Variants in ESR1 observed in about 807,000 individuals in gnomAD.
The protein encoded by ESR1 is estrogen receptor 1.
In ESR1, 12 loss-of-function variants were observed where a neutral mutation model predicts 52.7. The observed-to-expected ratio is 0.23, with a 90% CI of 0.15 to 0.37. The LOEUF is 0.37. Among genes scored for constraint, ESR1 ranks in the 10% least tolerant of loss-of-function variants. The pLI, the probability that ESR1 is intolerant of heterozygous loss-of-function variation, is 1.00. For synonymous variants in ESR1, 305 were observed against 316.8 expected, an observed-to-expected ratio of 0.96 and a Z score of 0.39; for missense variants, 584 against 779.7, an observed-to-expected ratio of 0.75 and a Z score of 2.99.
At position 151,944,352 on chromosome 6, in the gene ESR1, C is replaced by A. The variant is rs2128528150; in HGVS notation, c.940C>A (p.Gln314Lys). ...NSLALSLTADQMVSALLDAEP... is the reference protein window; with the variant it reads ...NSLALSLTADKMVSALLDAEP... ...CCTGGCCTTGTCCCTGACGGCCGAC[C>A]AGATGGTCAGTGCCTTGTTGGATGC... Residue 314 changes from glutamine (Q) to lysine (K), a missense_variant, in exon 4 of 8, where the codon CAG (glutamine) becomes AAG (lysine). Physicochemically the swap from Gln to Lys is moderately conservative, Grantham distance 53 (BLOSUM62 1). Coordinates refer to ENST00000206249, the MANE Select transcript of ESR1 (RefSeq NM_000125.4). 6.2e-7 allele frequency: 1 copy of A among 1,613,996 alleles called. No homozygotes were observed. Among genetic ancestry groups the A allele is most frequent in the Non-Finnish European group, 8.5e-7 (1 of 1,179,938 alleles).
chr6:151,902,118 G>GT (rs1433852570), intron 3 of ESR1, among the ~76,000 whole-genome samples: 2 of 152,224 alleles, frequency 1.3e-5, no homozygotes, highest in African/African-American at 4.8e-5. Flanking sequence ...ACATGAAGGT[G>GT]TTGTTGACAC....
At position 151,808,062 on chromosome 6, in the gene ESR1, C is replaced by G. The variant is rs759513332; in HGVS notation, c.150C>G (p.Ala50=). 1.2e-6 allele frequency: 2 copies of G among 1,613,568 alleles called. No homozygotes were observed. The highest frequency in any genetic ancestry group is 1.1e-5 in the South Asian group (1 of 91,050). Residue 50 remains alanine, a synonymous_variant, in exon 1 of 8, where the codon GCC becomes GCG. Transcript: ENST00000206249. ...GEVYLDSSKP[A]VYNYPEGAAY... ...TGTACCTGGACAGCAGCAAGCCCGCCGTGTACAACTACCCCGAGGGCGCCG... is the reference window on the plus strand; with the variant it reads ...TGTACCTGGACAGCAGCAAGCCCGCGGTGTACAACTACCCCGAGGGCGCCG...
chr6:151,880,436 C>T (rs1271194722), intron 2 of ESR1, among the ~76,000 whole-genome samples: 3 of 152,028 alleles, frequency 2.0e-5, no homozygotes, highest in African/African-American at 7.2e-5. Flanking sequence ...CTGCCTCGGC[C>T]TCCCAAAGTT....
At chr6:151,669,161 A>AGAGAGAGGGAGAG (rs1458538489) in intron 1 of ESR1, among the ~76,000 whole-genome samples, 4 of 124,252 alleles carry the variant, frequency 3.2e-5, no homozygotes, top group Non-Finnish European at 7.3e-5. Context: ...AGAGAGAGAG[A>AGAGAGAGGGAGAG]GAGAGAGAGA....
chr6:152,096,659 G>A (rs552564292), intron 7 of ESR1: 29 of 455,864 alleles, frequency 6.4e-5, no homozygotes, highest in Non-Finnish European at 1.2e-4. Flanking sequence ...TGTTCTCAGG[G>A]TTCCCCAAGG....
At chr6:152,106,045 G>C (rs1003130302), downstream of ESR1, among the ~76,000 whole-genome samples, 1 of 149,042 alleles carries the variant, frequency 6.7e-6, no homozygotes, top group African/African-American at 2.5e-5. Context: ...CACCCGCCTC[G>C]GCCTCCCAAA....
At chr6:151,780,298 G>A (rs1786426851) in intron 2 of ESR1, among the ~76,000 whole-genome samples, 1 of 152,104 alleles carries the variant, frequency 6.6e-6, no homozygotes, top group Admixed American at 6.5e-5. Context: ...CATGACACAT[G>A]TATACCTATG....
chr6:151,981,109 C>T (rs1042507454), intron 4 of ESR1, among the ~76,000 whole-genome samples: 1 of 152,224 alleles, frequency 6.6e-6, no homozygotes, highest in Non-Finnish European at 1.5e-5. Flanking sequence ...TATGTTTCAT[C>T]TCATATCCTG....
At chr6:152,112,671 C>T (rs2051158897) in intron 6 of ESR1, 1 of 152,212 alleles carries the variant, frequency 6.6e-6, no homozygotes, top group South Asian at 2.1e-4. Flanking sequence ...AGGGACATAC[C>T]CAGCCCCAGA....
intron 5 of ESR1, among the ~76,000 whole-genome samples, chr6:152,019,256 C>G (rs1400528048): frequency 6.6e-6 from 1 of 152,022 alleles, no homozygotes; most frequent in Non-Finnish European, 1.5e-5. Context: ...AACTATATCT[C>G]AAAAAAGGTG....
chr6:151,753,616 C>A (rs577768452), intron 2 of ESR1, among the ~76,000 whole-genome samples: 6 of 152,258 alleles, frequency 3.9e-5, no homozygotes, highest in Middle Eastern at 6.8e-3. Flanking sequence ...CCGTGCCCAG[C>A]CTGATTGTGT....
chr6:151,967,416 T>A (rs940173654), intron 4 of ESR1, among the ~76,000 whole-genome samples: 1 of 152,198 alleles, frequency 6.6e-6, no homozygotes, highest in African/African-American at 2.4e-5. Context: ...CTCCCCCTTA[T>A]GAGTGAGAAC....
chr6:151,883,367 A>G (rs957284930), intron 3 of ESR1, among the ~76,000 whole-genome samples: 5 of 151,494 alleles, frequency 3.3e-5, no homozygotes, highest in East Asian at 2.0e-4. Context: ...ACCTCAGGTG[A>G]TCCGCCCACC....
At chr6:152,081,316 G>A (rs1285076723) in intron 6 of ESR1, among the ~76,000 whole-genome samples, 1 of 152,106 alleles carries the variant, frequency 6.6e-6, no homozygotes, top group African/African-American at 2.4e-5. Flanking sequence ...TCAGGATTAA[G>A]AAACTGACTC....
intron 2 of ESR1, among the ~76,000 whole-genome samples, chr6:151,753,970 C>A (rs1234961172): frequency 6.6e-6 from 1 of 152,052 alleles, no homozygotes. Context: ...AAGATAAAAT[C>A]GACTATGATG....
In ESR1 at chr6:151,987,564, C is replaced by T. The variant is rs532008291; in HGVS notation, c.1097-24092C>T. Reference sequence around the variant, plus strand: ...AAGATAGGTTACGACAGTTGCTCCACCCATCCCCCCTGCAGGGAAGGAGTC... The same window carrying T: ...AAGATAGGTTACGACAGTTGCTCCATCCATCCCCCCTGCAGGGAAGGAGTC... On this transcript the variant is annotated intron_variant, in intron 4 of 7. Coordinates refer to ENST00000206249, the MANE Select transcript of ESR1 (RefSeq NM_000125.4). Among the ~76,000 whole-genome samples the T allele has an allele frequency of 3.1e-4, 47 of 152,156 alleles. 1 individual carries two copies. Among genetic ancestry groups the T allele is most frequent in the African/African-American group, 1.0e-3 (42 of 41,490 alleles).
intron 3 of ESR1, among the ~76,000 whole-genome samples, chr6:151,885,924 G>A (rs139687334): frequency 3.3e-5 from 5 of 152,234 alleles, no homozygotes; most frequent in Non-Finnish European, 7.4e-5. Flanking sequence ...ATGACAAATC[G>A]TAACATGGGA....
chr6:151,850,026 A>T (rs1337363052), intron 2 of ESR1, among the ~76,000 whole-genome samples: 7 of 45,480 alleles, frequency 1.5e-4, no homozygotes, highest in African/African-American at 4.6e-4. Flanking sequence ...ATATATACAA[A>T]ATTATATATA....
chr6:152,098,495 G>A lies in ESR1; in HGVS notation c.1554-237G>A, dbSNP rs921583555. Among the ~76,000 whole-genome samples the A allele has an allele frequency of 6.6e-5, 10 of 152,130 alleles. No homozygotes were observed. Among genetic ancestry groups the A allele is most frequent in the South Asian group, 4.2e-4 (2 of 4,804 alleles). On this transcript the variant is annotated intron_variant, in intron 7 of 7. Transcript: ENST00000206249. The surrounding 1 kb of genome is among the most constrained non-coding windows in gnomAD (Gnocchi z 5.1). ...GTGGCTGCAGGGAGAGTGTGAGGGT[G>A]GGACCGCCCTGGTAGGAGGTGGAAA...
Sources: gnomAD v4.1 joint callset for allele counts (sites outside exome capture counted in the v4.1 genomes callset) on GRCh38, gnomAD v4.1.1 for gene constraint, Gnocchi (gnomAD v3.1) non-coding constraint, MANE v1.5 for transcripts, NCBI Gene and HGNC (gene_info 2026-07-23, HGNC 2026-07-21) for gene names.